The following EPB41L2 variants were observed in gnomAD, a reference collection of about 807,000 sequenced individuals.
The protein encoded by EPB41L2 is band 4.1-like protein 2.
EPB41L2 carries 43 observed loss-of-function variants against 113.0 expected under a neutral mutation model. The ratio of observed to expected loss-of-function variants is 0.38; its 90% CI spans 0.30 to 0.49. The LOEUF (loss-of-function observed/expected upper bound fraction) is 0.49, where lower values mean the gene tolerates loss of function less well. Ranked by LOEUF, EPB41L2 falls within the 20% of genes least tolerant of loss-of-function variation. EPB41L2 has a pLI of 0.95. For missense variants in EPB41L2, 1,147 were observed against 1,223.4 expected, an observed-to-expected ratio of 0.94 and a Z score of 0.93; for synonymous variants, 442 against 436.7, an observed-to-expected ratio of 1.01 and a Z score of -0.15.
intron 3 of EPB41L2, among the ~76,000 whole-genome samples, chr6:130,953,951 T>C (rs1437729916): frequency 6.7e-6 from 1 of 150,004 alleles, no homozygotes. Context: ...GTTTTTAAAT[T>C]ACCCAGTTGA....
At chr6:131,012,064 G>A (rs1787127504) in intron 1 of EPB41L2, among the ~76,000 whole-genome samples, 1 of 151,978 alleles carries the variant, frequency 6.6e-6, no homozygotes, top group South Asian at 2.1e-4. Flanking sequence ...AATTAGCTGG[G>A]CGTGGTGGCA....
Position 130,880,510 on chromosome 6 carries a change from C to T in EPB41L2, c.1834-304G>A, listed in dbSNP as rs76761734. The T allele has an allele frequency of 6.6e-3, 4,197 of 635,108 alleles. 115 individuals carry two copies. Among genetic ancestry groups the T allele is most frequent in the African/African-American group, 0.064 (3,466 of 54,530 alleles). The allele number at this position is 635,108 out of a possible 1,614,324, so 39.3% of individuals were successfully genotyped here. On this transcript the variant is annotated intron_variant, in intron 12 of 19. Transcript: ENST00000337057. ...TTCGCCTGAAAAGTCACACAGCAAA[C>T]GGCCAGAAAGAAGGGGAGTATTAGT...
chr6:130,971,411 T>C (rs1383676268), intron 1 of EPB41L2, among the ~76,000 whole-genome samples: 1 of 152,238 alleles, frequency 6.6e-6, no homozygotes. Flanking sequence ...AAGCACCTGA[T>C]GGCTTCTCTT....
chr6:131,017,512 A>G (rs1057479982), intron 1 of EPB41L2, among the ~76,000 whole-genome samples: 2 of 152,206 alleles, frequency 1.3e-5, no homozygotes, highest in African/African-American at 4.8e-5. Flanking sequence ...TAATATATGT[A>G]GCTCTATGTA....
intron 3 of EPB41L2, among the ~76,000 whole-genome samples, chr6:130,947,839 G>A (rs1296715747): frequency 1.3e-5 from 2 of 152,104 alleles, no homozygotes; most frequent in Non-Finnish European, 2.9e-5. Flanking sequence ...TTGTATAAAA[G>A]GAAAATGCAA....
chr6:131,054,051 T>G (rs1387870932), intron 1 of EPB41L2, among the ~76,000 whole-genome samples: 1 of 152,220 alleles, frequency 6.6e-6, no homozygotes, highest in African/African-American at 2.4e-5. Flanking sequence ...TGAGGGTTGA[T>G]GTCAGTGTGA....
chr6:131,021,230 T>G (rs1789405747), intron 1 of EPB41L2, among the ~76,000 whole-genome samples: 1 of 152,200 alleles, frequency 6.6e-6, no homozygotes, highest in African/African-American at 2.4e-5. Context: ...ATTTCAAGAC[T>G]GCCGGACTTC....
intron 14 of EPB41L2, among the ~76,000 whole-genome samples, chr6:130,873,041 G>T (rs907912546): frequency 2.0e-5 from 3 of 151,930 alleles, no homozygotes; most frequent in Admixed American, 2.0e-4. Flanking sequence ...TTTCTGTAAG[G>T]CCTTCCCTCA....
intron 1 of EPB41L2, among the ~76,000 whole-genome samples, chr6:131,053,503 C>A (rs1417305659): frequency 6.6e-6 from 1 of 150,486 alleles, no homozygotes; most frequent in Admixed American, 6.6e-5. Context: ...AAGCTCCCTG[C>A]TTCTAGTCAG....
intron 2 of EPB41L2, 88 bp from the exon 3 acceptor site, chr6:130,955,405 AG>A: frequency 7.9e-7 from 1 of 1,267,844 alleles, no homozygotes; most frequent in Non-Finnish European, 1.1e-6. Context: ...CATAAGAATT[AG>A]GATCGTTACT....
chr6:130,869,396 G>A (rs1784908626), intron 15 of EPB41L2, among the ~76,000 whole-genome samples, 167 bp downstream of exon 15: 1 of 152,064 alleles, frequency 6.6e-6, no homozygotes, highest in Non-Finnish European at 1.5e-5. Flanking sequence ...GAACTGGGCG[G>A]GCAGAAAATC....
At chr6:131,010,539 A>G (rs1201473213) in intron 1 of EPB41L2, among the ~76,000 whole-genome samples, 1 of 151,808 alleles carries the variant, frequency 6.6e-6, no homozygotes, top group Non-Finnish European at 1.5e-5. Context: ...CAGCCTCCCA[A>G]GTAGCTGGGA....
chr6:130,894,490 T>C (rs1220954169), intron 9 of EPB41L2, 49 bp from the exon 10 acceptor site: 1 of 1,523,714 alleles, frequency 6.6e-7, no homozygotes, highest in Non-Finnish European at 9.1e-7. Context: ...AAGAACTGAC[T>C]AGAAGTTACT....
chr6:130,886,915 G>A (rs1791202779), intron 11 of EPB41L2, among the ~76,000 whole-genome samples: 1 of 152,090 alleles, frequency 6.6e-6, no homozygotes, highest in South Asian at 2.1e-4. Context: ...TTAGAGGTGT[G>A]AGCCACCGTG....
chr6:130,855,958 G>A (rs1010391857), intron 19 of EPB41L2, among the ~76,000 whole-genome samples: 1 of 152,102 alleles, frequency 6.6e-6, no homozygotes, highest in African/African-American at 2.4e-5. Flanking sequence ...TGGCACTGGA[G>A]CAGGGATAGA....
At chr6:130,903,406 A>C (rs1796837656) in intron 6 of EPB41L2, among the ~76,000 whole-genome samples, 2 of 151,760 alleles carry the variant, frequency 1.3e-5, no homozygotes, top group Admixed American at 1.3e-4. Flanking sequence ...TTTAAAAAAA[A>C]AAAAAAGGCC....
rs1171216826 is a variant in EPB41L2 at position 131,045,950 on chromosome 6, T to C, written c.-15+17205A>G. On this transcript the variant is annotated intron_variant, in intron 1 of 19. Coordinates refer to ENST00000337057, the MANE Select transcript of EPB41L2 (RefSeq NM_001431.4). ...TACGCCTATATTTTTCTTTCTCTCT[T>C]TTTTTTTTTTTTTTGAGATAGTGTG... is the stretch of plus-strand genomic sequence containing the variant. 9.8e-5 allele frequency among the ~76,000 whole-genome samples: 5 copies of C among 50,810 alleles called. No homozygotes were observed. In the South Asian group the frequency reaches 3.0e-3, roughly 30 times the overall value. The allele number at this position is 50,810 out of a possible 152,430, so 33.3% of individuals were successfully genotyped here. A position where few individuals can be genotyped will look rare whatever the true frequency, so the allele number is the denominator to read the frequency against.
chr6:131,004,889 T>A (rs1434915841), intron 1 of EPB41L2, among the ~76,000 whole-genome samples: 1 of 152,208 alleles, frequency 6.6e-6, no homozygotes, highest in Non-Finnish European at 1.5e-5. Flanking sequence ...GACGGTCATG[T>A]ACAAACAGGA....
chr6:131,052,410 G>A (rs1796746471), intron 1 of EPB41L2, among the ~76,000 whole-genome samples: 1 of 152,214 alleles, frequency 6.6e-6, no homozygotes, highest in Admixed American at 6.5e-5. Context: ...ACCAGTCCAG[G>A]ATGATGGAGG....
Sources: allele counts gnomAD v4.1 joint callset (sites outside exome capture counted in the v4.1 genomes callset), GRCh38; gene constraint gnomAD v4.1.1; transcripts MANE v1.5; gene names NCBI Gene and HGNC (gene_info 2026-07-23, HGNC 2026-07-21).